Variants in PCDHB5 observed in about 807,000 individuals in gnomAD.
PCDHB5 encodes protocadherin beta-5.
For synonymous variants in PCDHB5, 569 were observed against 462.2 expected (o/e 1.23, Z -2.96); for missense variants, 1,125 against 1,029.4 (o/e 1.09, Z -1.27).
chr5:141,135,614 C>T lies in PCDHB5; in HGVS notation c.180C>T (p.Ala60=). Residue 60 remains alanine, a synonymous_variant, in exon 1 of 1, where the codon GCC becomes GCT. Transcript: ENST00000231134. ...TGGGTCTTGGGGTGGGGGAACTGGCCACTCGGGGCGCGCGAATGCATTACA... is the reference window on the plus strand; with the variant it reads ...TGGGTCTTGGGGTGGGGGAACTGGCTACTCGGGGCGCGCGAATGCATTACA... The part of the protein sequence containing the change: ...KDLGLGVGEL[A]TRGARMHYKG... 1 of 1,614,098 alleles carries T rather than the reference C, an allele frequency of 6.2e-7. No homozygotes were observed. The highest frequency in any genetic ancestry group is 1.1e-5 in the South Asian group (1 of 91,046).
chr5:141,135,596 TG>T lies in PCDHB5; in HGVS notation c.166del (p.Val56TrpfsTer24), dbSNP rs551776618. The T allele has an allele frequency of 6.9e-5, 112 of 1,614,102 alleles. No homozygotes were observed. The African/African-American group carries it at 1.3e-3, about 19-fold the overall frequency. ...CCAACCTGGCAAAAGACCTGGGTCT[TG>T]GGGTGGGGGAACTGGCCACTCGGGG... ...VANLAKDLGL[G>X]VGELATRGAR... is the part of the protein sequence containing the mutation. On this transcript the variant is annotated frameshift_variant, in exon 1 of 1. Transcript: ENST00000231134. LOFTEE classifies it low-confidence loss of function (END_TRUNC).
rs1752557408 is a variant in PCDHB5 at position 141,135,851 on chromosome 5, C to T, written c.417C>T (p.Leu139=). 1.2e-6 allele frequency: 2 copies of T among 1,613,978 alleles called. No individual in the cohort carries two copies. Among genetic ancestry groups the T allele is most frequent in the African/African-American group, 1.3e-5 (1 of 74,916 alleles). ...CAGAGTTCCCAGAGAAGGAAATGCTCCTAAAAATCCCAGAGAGCACCCAGC... is the reference window on the plus strand; with the variant it reads ...CAGAGTTCCCAGAGAAGGAAATGCTTCTAAAAATCCCAGAGAGCACCCAGC... ...HAPEFPEKEM[L]LKIPESTQPG... is the part of the protein sequence containing the mutation. The change falls in exon 1 of 1, where the codon CTC becomes CTT. Residue 139 remains leucine (L), a synonymous_variant. Transcript: ENST00000231134.
chr5:141,136,704 G>T lies in PCDHB5; in HGVS notation c.1270G>T (p.Asp424Tyr). 2 of 1,614,056 alleles carry T rather than the reference G, an allele frequency of 1.2e-6. 1 individual carries two copies. Among genetic ancestry groups the T allele is most frequent in the South Asian group, 2.2e-5 (2 of 91,054 alleles). Reference protein sequence around the residue: ...AEYNITITVTDMGTPRLKTEH... With the variant: ...AEYNITITVTYMGTPRLKTEH... ...GTACAACATCACCATCACTGTCACC[G>T]ACATGGGGACACCCAGGCTGAAAAC... is the stretch of plus-strand genomic sequence containing the variant. The change falls in exon 1 of 1, where the codon GAC (aspartate) becomes TAC (tyrosine). Residue 424 changes from aspartate (D) to tyrosine (Y), a missense_variant. Physicochemically the swap from Asp to Tyr is radical, Grantham distance 160 (BLOSUM62 -3). Coordinates refer to ENST00000231134, the MANE Select transcript of PCDHB5 (RefSeq NM_015669.5).
chr5:141,136,286 C>G lies in PCDHB5; in HGVS notation c.852C>G (p.Gly284=). Residue 284 remains glycine (G), a synonymous_variant, in exon 1 of 1, where the codon GGC becomes GGG. Transcript: ENST00000231134. ...YGSVAYALFQ[G]DEVTQPFVID... Reference sequence around the variant, plus strand: ...GTGTAGCCTATGCTCTATTCCAAGGCGATGAAGTTACTCAACCATTTGTAA... The same window carrying G: ...GTGTAGCCTATGCTCTATTCCAAGGGGATGAAGTTACTCAACCATTTGTAA... 1.2e-6 allele frequency: 2 copies of G among 1,614,096 alleles called. No homozygotes were observed. Among genetic ancestry groups the G allele is most frequent in the Non-Finnish European group, 8.5e-7 (1 of 1,180,002 alleles).
chr5:141,135,699 A>T lies in PCDHB5; in HGVS notation c.265A>T (p.Lys89Ter). ...IKTGNLLLYEKLDREVMCGAT... is the reference protein window; with the variant it reads ...IKTGNLLLYE ...GACCGGCAATTTGCTTCTATATGAAAAACTAGACCGGGAGGTGATGTGCGG... is the reference window on the plus strand; with the variant it reads ...GACCGGCAATTTGCTTCTATATGAATAACTAGACCGGGAGGTGATGTGCGG... Residue 89 changes from lysine to a stop codon, truncating the protein, a stop_gained, in exon 1 of 1, where the codon AAA becomes TAA. Transcript: ENST00000231134. LOFTEE classifies it low-confidence loss of function (END_TRUNC). The T allele has an allele frequency of 2.5e-6, 4 of 1,614,124 alleles. No individual in the cohort carries two copies. Among genetic ancestry groups the T allele is most frequent in the Non-Finnish European group, 3.4e-6 (4 of 1,180,028 alleles).
At position 141,135,937 on chromosome 5, in the gene PCDHB5, A is replaced by G. The variant is rs374990481; in HGVS notation, c.503A>G (p.Gln168Arg). 1.0e-4 allele frequency: 162 copies of G among 1,614,128 alleles called. No homozygotes were observed. The highest frequency in any genetic ancestry group is 1.3e-4 in the Non-Finnish European group (156 of 1,180,050). The stretch of plus-strand genomic sequence containing the variant: ...TTTGACATAGGTAGCAACACTGTTC[A>G]GAACTACACAATCAGCCCAAATTCA... ...QDFDIGSNTV[Q>R]NYTISPNSHF... The change falls in exon 1 of 1, where the codon CAG (glutamine) becomes CGG (arginine). Residue 168 changes from glutamine to arginine, a missense_variant. Transcript: ENST00000231134.
rs1403105944 is a variant in PCDHB5, at chr5:141,137,154, C to G, written c.1720C>G (p.Leu574Val). 2 of 1,610,734 alleles carry G rather than the reference C, an allele frequency of 1.2e-6. No homozygotes were observed. Among genetic ancestry groups the G allele is most frequent in the Admixed American group, 1.7e-5 (1 of 59,988 alleles). The change falls in exon 1 of 1, where the codon CTG (leucine) becomes GTG (valine). Residue 574 changes from leucine (L) to valine (V), a missense_variant. Coordinates refer to ENST00000231134, the MANE Select transcript of PCDHB5 (RefSeq NM_015669.5). The part of the protein sequence containing the change: ...LQNGSAPCTE[L>V]VPRAAEPGYL... ...GAACGGCTCGGCGCCTTGCACCGAG[C>G]TGGTGCCCCGGGCGGCCGAGCCGGG...
At position 141,138,164 on chromosome 5, in the gene PCDHB5, A is replaced by G. The variant is rs772352643; in HGVS notation, c.*342A>G. 5 of 202,454 alleles carry G rather than the reference A, an allele frequency of 2.5e-5. No homozygotes were observed. Among genetic ancestry groups the G allele is most frequent in the Non-Finnish European group, 5.2e-5 (5 of 95,750 alleles). The allele number at this position is 202,454 out of a possible 1,614,324, so 12.5% of individuals were successfully genotyped here. A position where few individuals can be genotyped will look rare whatever the true frequency, so the allele number is the denominator to read the frequency against. ...CCCATTCTATTTCATCACACTCTTA[A>G]GTATTATATATTTGATGCTAAAATG... On this transcript the variant is annotated 3_prime_UTR_variant, in exon 1 of 1. Transcript: ENST00000231134.
rs1329381837 is a variant in PCDHB5 at position 141,136,935 on chromosome 5, T to C, written c.1501T>C (p.Ser501Pro). The C allele has an allele frequency of 4.2e-5, 67 of 1,612,412 alleles. No homozygotes were observed. Among genetic ancestry groups the C allele is most frequent in the Middle Eastern group, 2.1e-4 (1 of 4,818 alleles). ...PPQNPHLRLASLVSINADNGH... is the reference protein window; with the variant it reads ...PPQNPHLRLAPLVSINADNGH... ...CCAGAACCCACACCTGCGCCTCGCC[T>C]CCCTGGTCTCCATCAACGCGGACAA... The change falls in exon 1 of 1, where the codon TCC (serine) becomes CCC (proline). Residue 501 changes from serine (S) to proline (P), a missense_variant. Ser to Pro is a moderately conservative substitution (Grantham distance 74). Coordinates refer to ENST00000231134, the MANE Select transcript of PCDHB5 (RefSeq NM_015669.5).
rs1554275957 is a variant in PCDHB5 at position 141,136,672 on chromosome 5, A to C, written c.1238A>C (p.Gln413Pro). 1 of 1,614,174 alleles carries C rather than the reference A, an allele frequency of 6.2e-7. No individual in the cohort carries two copies. Among genetic ancestry groups the C allele is most frequent in the South Asian group, 1.1e-5 (1 of 91,066 alleles). ...VTQRTLDRES[Q>P]AEYNITITVT... is the part of the protein sequence containing the mutation. The stretch of plus-strand genomic sequence containing the variant: ...CAGAGAACACTGGACAGAGAGAGCC[A>C]AGCCGAGTACAACATCACCATCACT... The change falls in exon 1 of 1, where the codon CAA (glutamine) becomes CCA (proline). Residue 413 changes from glutamine to proline, a missense_variant. Coordinates refer to ENST00000231134, the MANE Select transcript of PCDHB5 (RefSeq NM_015669.5).
In PCDHB5 at chr5:141,136,364, A is replaced by G. The variant is rs143480499; in HGVS notation, c.930A>G (p.Ala310=). The G allele has an allele frequency of 2.2e-4, 354 of 1,613,978 alleles. No homozygotes were observed. The highest frequency in any genetic ancestry group is 5.5e-4 in the Admixed American group (33 of 59,982). Residue 310 remains alanine (A), a synonymous_variant, in exon 1 of 1, where the codon GCA becomes GCG. Transcript: ENST00000231134. ...TGAAAAGGGCATTGGATTTCGAGGCAACTCCATATTATAACGTGGAAATTG... is the reference window on the plus strand; with the variant it reads ...TGAAAAGGGCATTGGATTTCGAGGCGACTCCATATTATAACGTGGAAATTG... The part of the protein sequence containing the change: ...IRLKRALDFE[A]TPYYNVEIVA...
Position 141,136,266 on chromosome 5 carries a change from G to T in PCDHB5, c.832G>T (p.Ala278Ser). 1 of 1,613,938 alleles carries T rather than the reference G, an allele frequency of 6.2e-7. No individual in the cohort carries two copies. The change falls in exon 1 of 1, where the codon GCC becomes TCC. Residue 278 changes from alanine (A) to serine (S), a missense_variant. Physicochemically the swap from Ala to Ser is moderately conservative, Grantham distance 99. Coordinates refer to ENST00000231134, the MANE Select transcript of PCDHB5 (RefSeq NM_015669.5). ...AGATGCAGGAGCATATGGGAGTGTA[G>T]CCTATGCTCTATTCCAAGGCGATGA... The part of the protein sequence containing the change: ...DLDAGAYGSV[A>S]YALFQGDEVT...
chr5:141,136,172 C>T lies in PCDHB5; in HGVS notation c.738C>T (p.Phe246=). The T allele has an allele frequency of 6.2e-7, 1 of 1,614,082 alleles. No homozygotes were observed. The highest frequency in any genetic ancestry group is 2.2e-5 in the East Asian group (1 of 44,874). ...ACGCCCCCGAATTTTTACAATCATTCTATGAGGTACAGGTGCCCGAGAACA... is the reference window on the plus strand; with the variant it reads ...ACGCCCCCGAATTTTTACAATCATTTTATGAGGTACAGGTGCCCGAGAACA... ...NDNAPEFLQS[F]YEVQVPENSP... Residue 246 remains phenylalanine, a synonymous_variant, in exon 1 of 1, where the codon TTC becomes TTT. Transcript: ENST00000231134.
Position 141,137,150 on chromosome 5 carries a change from C to T in PCDHB5, c.1716C>T (p.Thr572=), listed in dbSNP as rs1554276129. 1 of 1,610,790 alleles carries T rather than the reference C, an allele frequency of 6.2e-7. No individual in the cohort carries two copies. The highest frequency in any genetic ancestry group is 8.5e-7 in the Non-Finnish European group (1 of 1,179,552). Residue 572 remains threonine, a synonymous_variant, in exon 1 of 1, where the codon ACC becomes ACT. Transcript: ENST00000231134. ...YPLQNGSAPC[T]ELVPRAAEPG... is the part of the protein sequence containing the mutation. ...TGCAGAACGGCTCGGCGCCTTGCACCGAGCTGGTGCCCCGGGCGGCCGAGC... is the reference window on the plus strand; with the variant it reads ...TGCAGAACGGCTCGGCGCCTTGCACTGAGCTGGTGCCCCGGGCGGCCGAGC...
chr5:141,136,244 T>C lies in PCDHB5; in HGVS notation c.810T>C (p.Asp270=). Residue 270 remains aspartate (D), a synonymous_variant, in exon 1 of 1, where the codon GAT becomes GAC. Coordinates refer to ENST00000231134, the MANE Select transcript of PCDHB5 (RefSeq NM_015669.5). ...TCGTTGTCTCCGCTCGAGATTTAGA[T>C]GCAGGAGCATATGGGAGTGTAGCCT... ...LVVVVSARDL[D]AGAYGSVAYA... 6.2e-7 allele frequency: 1 copy of C among 1,614,182 alleles called. No homozygotes were observed. The highest frequency in any genetic ancestry group is 8.5e-7 in the Non-Finnish European group (1 of 1,180,006).
Position 141,138,128 on chromosome 5 carries a change from T to C in PCDHB5, c.*306T>C. 3.5e-6 allele frequency: 1 copy of C among 281,966 alleles called. No individual in the cohort carries two copies. The highest frequency in any genetic ancestry group is 6.9e-6 in the Non-Finnish European group (1 of 144,464). 17.5% of individuals were successfully genotyped at this position (281,966 alleles called of 1,614,324 possible). Reference sequence around the variant, plus strand: ...AAAATCAAGTATTAATTTTATTTTCTATATATTCTGCCCATTCTATTTCAT... The same window carrying C: ...AAAATCAAGTATTAATTTTATTTTCCATATATTCTGCCCATTCTATTTCAT... On this transcript the variant is annotated 3_prime_UTR_variant, in exon 1 of 1. Transcript: ENST00000231134.
In PCDHB5 at chr5:141,135,749, T is replaced by C; in HGVS notation, c.315T>C (p.His105=). Residue 105 remains histidine, a synonymous_variant, in exon 1 of 1, where the codon CAT becomes CAC. Transcript: ENST00000231134. ...MCGATEPCIL[H]FQLLLENPVQ... ...GGGCGACAGAACCCTGTATATTGCA[T>C]TTCCAGCTCTTACTAGAAAATCCAG... The C allele has an allele frequency of 6.2e-7, 1 of 1,614,078 alleles. No individual in the cohort carries two copies. Among genetic ancestry groups the C allele is most frequent in the Non-Finnish European group, 8.5e-7 (1 of 1,179,982 alleles).
In PCDHB5 at chr5:141,135,642, G is replaced by A; in HGVS notation, c.208G>A (p.Gly70Arg). ...TCGGGGCGCGCGAATGCATTACAAA[G>A]GAAACAAAGAGCTCTTGCAGCTTGA... ...ATRGARMHYKGNKELLQLDIK... is the reference protein window; with the variant it reads ...ATRGARMHYKRNKELLQLDIK... Residue 70 changes from glycine (G) to arginine (R), a missense_variant, in exon 1 of 1, where the codon GGA becomes AGA. By Grantham distance (125) the Gly-to-Arg change is moderately radical (BLOSUM62 -2). Transcript: ENST00000231134. 1 of 1,614,100 alleles carries A rather than the reference G, an allele frequency of 6.2e-7. No homozygotes were observed. The highest frequency in any genetic ancestry group is 2.2e-5 in the East Asian group (1 of 44,890).
In PCDHB5 at chr5:141,137,043, T is replaced by TC; in HGVS notation, c.1613dup (p.Ala539GlyfsTer56). The TC allele has an allele frequency of 6.2e-7, 1 of 1,611,806 alleles. No individual in the cohort carries two copies. Among genetic ancestry groups the TC allele is most frequent in the Non-Finnish European group, 8.5e-7 (1 of 1,179,724 alleles). ...CCGCGTGGGAGCCACAGACCGCGGC[T>TC]CCCCGGCGCTGAGCAGCGAGGCGCT... On this transcript the variant is annotated frameshift_variant, in exon 1 of 1. Transcript: ENST00000231134. LOFTEE classifies it low-confidence loss of function (END_TRUNC).
Sources: gnomAD v4.1 joint callset for allele counts on GRCh38, gnomAD v4.1.1 for gene constraint, MANE v1.5 for transcripts, NCBI Gene and HGNC (gene_info 2026-07-23, HGNC 2026-07-21) for gene names.